The following FAT4 variants were observed in gnomAD, a reference collection of about 807,000 sequenced individuals.
FAT4 encodes the protein protocadherin Fat 4.
A neutral mutation model predicts 303.9 loss-of-function variants in FAT4; 84 were observed. That is an observed-to-expected ratio of 0.28 (90% confidence interval 0.23 to 0.33). FAT4 has a LOEUF of 0.33. FAT4 is among the 10% of genes least tolerant of loss of function. The pLI is 1.00. For missense variants in FAT4, 6,005 were observed against 6,146.8 expected (o/e 0.98, Z 0.77); for synonymous variants, 2,307 against 2,298.8 (o/e 1.00, Z -0.10).
chr4:125,413,110 A>T (rs926601166), intron 5 of FAT4, among the ~76,000 whole-genome samples: 32 of 151,852 alleles, frequency 2.1e-4, no homozygotes, highest in Admixed American at 6.6e-5. Flanking sequence ...ATACACACAC[A>T]ATATAATGTA....
intron 2 of FAT4, among the ~76,000 whole-genome samples, chr4:125,383,505 G>A (rs547340741): frequency 5.2e-4 from 79 of 151,412 alleles, no homozygotes; most frequent in Non-Finnish European, 9.6e-4. Context: ...CTCAGTAATC[G>A]CTGATCATAG....
In FAT4 at chr4:125,355,746, C is replaced by G. The variant is rs574397578; in HGVS notation, c.5175+34160C>G. ...TTTTTCCTCCAATAATCAGTGGACT[C>G]AATTGAATTGGAGAAGGGGTTGCTT... On this transcript the variant is annotated intron_variant, in intron 2 of 17. Transcript: ENST00000394329. Among the ~76,000 whole-genome samples the G allele has an allele frequency of 2.0e-5, 3 of 151,510 alleles. No homozygotes were observed. In the South Asian group the frequency reaches 6.3e-4, roughly 32 times the overall value.
chr4:125,442,993 G>T (rs1047741717), intron 8 of FAT4, among the ~76,000 whole-genome samples: 2 of 151,980 alleles, frequency 1.3e-5, no homozygotes, highest in East Asian at 3.9e-4. Flanking sequence ...AAGAAAGAAG[G>T]CTTAAAAATG....
intron 7 of FAT4, among the ~76,000 whole-genome samples, chr4:125,430,537 A>C (rs1725249589): frequency 6.6e-6 from 1 of 152,174 alleles, no homozygotes; most frequent in Non-Finnish European, 1.5e-5. Flanking sequence ...TGTAGAACAA[A>C]ATTTCTGTAA....
At chr4:125,374,539 G>A (rs1319846717) in intron 2 of FAT4, among the ~76,000 whole-genome samples, 4 of 152,040 alleles carry the variant, frequency 2.6e-5, no homozygotes, top group South Asian at 2.1e-4. Context: ...ATTGCAAAAC[G>A]ACCCTTACTT....
In FAT4 at chr4:125,448,623, T is replaced by C. The variant is rs775654898; in HGVS notation, c.7613T>C (p.Phe2538Ser). Residue 2538 changes from phenylalanine to serine, a missense_variant, in exon 10 of 18, where the codon TTT becomes TCT. Transcript: ENST00000394329. ...GPLNGASEVTFSVHVKDGGSF... is the reference protein window; with the variant it reads ...GPLNGASEVTSSVHVKDGGSF... ...CTAAACGGAGCTTCAGAAGTGACAT[T>C]TTCTGTGCATGTAAAAGATGGTGGC... 2 of 1,613,906 alleles carry C rather than the reference T, an allele frequency of 1.2e-6. No individual in the cohort carries two copies. The highest frequency in any genetic ancestry group is 2.7e-5 in the African/African-American group (2 of 75,010).
chr4:125,456,987 C>T (rs1726302873), intron 10 of FAT4, among the ~76,000 whole-genome samples: 1 of 152,042 alleles, frequency 6.6e-6, no homozygotes, highest in African/African-American at 2.4e-5. Context: ...TTTTCATACT[C>T]TACTTTTGTG....
chr4:125,333,083 C>T (rs72673284), intron 2 of FAT4, among the ~76,000 whole-genome samples: 19,587 of 151,854 alleles, frequency 0.13, 1,554 homozygotes, highest in Admixed American at 0.17. Context: ...TTAAATGAAT[C>T]TCTAAGTAGT....
intron 16 of FAT4, among the ~76,000 whole-genome samples, chr4:125,485,375 T>G (rs1026244923): frequency 6.6e-6 from 1 of 152,142 alleles, no homozygotes; most frequent in African/African-American, 2.4e-5. Context: ...CCTTATACCC[T>G]TATTCCATAA....
chr4:125,482,823 C>A (rs2126088245), intron 16 of FAT4, among the ~76,000 whole-genome samples: 1 of 152,224 alleles, frequency 6.6e-6, no homozygotes, highest in Admixed American at 6.5e-5. Flanking sequence ...GCAAGCCAAC[C>A]ATGATTATGT....
chr4:125,436,823 C>T (rs1578641603), intron 8 of FAT4, among the ~76,000 whole-genome samples: 1 of 152,044 alleles, frequency 6.6e-6, no homozygotes, highest in Non-Finnish European at 1.5e-5. Flanking sequence ...CCTGACCCTG[C>T]CCTTGACACA....
chr4:125,378,761 A>G (rs1259588962), intron 2 of FAT4, among the ~76,000 whole-genome samples: 3 of 152,178 alleles, frequency 2.0e-5, no homozygotes, highest in Admixed American at 6.5e-5. Flanking sequence ...CATACTCAAT[A>G]TTTGTCTTTG....
At chr4:125,377,340 A>AG (rs1560786712) in intron 2 of FAT4, among the ~76,000 whole-genome samples, 2 of 152,102 alleles carry the variant, frequency 1.3e-5, no homozygotes, top group African/African-American at 4.8e-5. Flanking sequence ...TCAAAAAAAA[A>AG]CAAAAAGCTA....
At chr4:125,351,269 A>G (rs188980330) in intron 2 of FAT4, among the ~76,000 whole-genome samples, 1 of 151,924 alleles carries the variant, frequency 6.6e-6, no homozygotes, top group East Asian at 1.9e-4. Flanking sequence ...GTACAGATAA[A>G]ACAATAGAAC....
In FAT4 at chr4:125,468,610, G is replaced by A; in HGVS notation, c.12004G>A (p.Val4002Ile). ...SLDPNNNYIYVKFATIKSHAL... is the reference protein window; with the variant it reads ...SLDPNNNYIYIKFATIKSHAL... The stretch of plus-strand genomic sequence containing the variant: ...GGACCCCAATAACAACTATATTTAT[G>A]TCAAATTTGCCACGATTAAAAGTCA... Residue 4002 changes from valine (V) to isoleucine (I), a missense_variant, in exon 12 of 18, where the codon GTC becomes ATC. Val to Ile is a conservative substitution (Grantham distance 29). Coordinates refer to ENST00000394329, the MANE Select transcript of FAT4 (RefSeq NM_001291303.3). The A allele has an allele frequency of 1.2e-6, 2 of 1,614,074 alleles. No homozygotes were observed. Among genetic ancestry groups the A allele is most frequent in the Non-Finnish European group, 1.7e-6 (2 of 1,180,020 alleles).
chr4:125,322,680 T>C lies in FAT4; in HGVS notation c.5175+1094T>C, dbSNP rs116955760. Among the ~76,000 whole-genome samples the C allele has an allele frequency of 4.9e-3, 750 of 152,062 alleles. 30 individuals carry two copies. In the South Asian group the frequency reaches 0.075, roughly 15 times the overall value. On this transcript the variant is annotated intron_variant, in intron 2 of 17. Transcript: ENST00000394329. ...CTTGTTTTCTTGCTTCTTTTCTTTT[T>C]TGGGGGGAGGAGGTGGGGATTTTCT...
At chr4:125,405,897 T>C (rs975754572) in intron 3 of FAT4, among the ~76,000 whole-genome samples, 2 of 152,190 alleles carry the variant, frequency 1.3e-5, no homozygotes, top group African/African-American at 4.8e-5. Flanking sequence ...AGCTATTATG[T>C]TGTAGGACTT....
chr4:125,364,725 G>A (rs79244304), intron 2 of FAT4, among the ~76,000 whole-genome samples: 9,392 of 152,108 alleles, frequency 0.062, 281 homozygotes, highest in Middle Eastern at 0.088. Flanking sequence ...TTTTCAGCTG[G>A]TGCATGGAGT....
intron 2 of FAT4, among the ~76,000 whole-genome samples, chr4:125,346,873 G>T (rs1732022588): frequency 6.6e-6 from 1 of 152,014 alleles, no homozygotes; most frequent in Non-Finnish European, 1.5e-5. Flanking sequence ...TTAAAACAAA[G>T]CTGTGAATAG....
Sources: allele counts gnomAD v4.1 joint callset (sites outside exome capture counted in the v4.1 genomes callset), GRCh38; gene constraint gnomAD v4.1.1; transcripts MANE v1.5; gene names NCBI Gene and HGNC (gene_info 2026-07-23, HGNC 2026-07-21).